STPG2: variants seen among roughly 807,000 people sequenced by gnomAD.
STPG2 encodes sperm tail PG-rich repeat containing 2.
STPG2 carries 56 observed loss-of-function variants against 54.2 expected under a neutral mutation model. The ratio of observed to expected loss-of-function variants is 1.03; its 90% CI spans 0.83 to 1.29. The LOEUF (loss-of-function observed/expected upper bound fraction) is 1.29, where lower values mean the gene tolerates loss of function less well. Among genes scored for constraint, STPG2 ranks in the 50% most tolerant of loss-of-function variants. The pLI, the probability that STPG2 is intolerant of heterozygous loss-of-function variation, is 0.00. For missense variants in STPG2, 596 were observed against 544.9 expected, an observed-to-expected ratio of 1.09 and a Z score of -0.93; for synonymous variants, 200 against 181.8, an observed-to-expected ratio of 1.10 and a Z score of -0.81.
chr4:97,958,679 C>T (rs1733777942), intron 7 of STPG2, among the ~76,000 whole-genome samples: 1 of 152,010 alleles, frequency 6.6e-6, no homozygotes, highest in Non-Finnish European at 1.5e-5. Flanking sequence ...TATCACAATC[C>T]TAAATATATA....
chr4:98,141,472 T>C (rs114219317), intron 1 of STPG2, among the ~76,000 whole-genome samples: 2,085 of 152,308 alleles, frequency 0.014, 51 homozygotes, highest in African/African-American at 0.047. Context: ...GTCTCCACAA[T>C]CCTGTATCTT....
Position 98,143,118 on chromosome 4 carries a change from C to T in STPG2, c.33G>A (p.Leu11=). 3 of 1,613,850 alleles carry T rather than the reference C, an allele frequency of 1.9e-6. No individual in the cohort carries two copies. The highest frequency in any genetic ancestry group is 2.5e-6 in the Non-Finnish European group (3 of 1,179,910). The change falls in exon 1 of 11, where the codon TTG becomes TTA. Residue 11 remains leucine, a synonymous_variant. Transcript: ENST00000295268. ...GGGCCTCAGTGCTGCCACCTTCAGC[C>T]AATTTGAGCAGGCGGGGAGCCCGAT... MYDRAPRLLK[L]AEGGSTEAHV...
chr4:97,543,005 AG>A (rs1731754160), intron 4 of STPG2, among the ~76,000 whole-genome samples: 1 of 152,122 alleles, frequency 6.6e-6, no homozygotes, highest in Non-Finnish European at 1.5e-5. Flanking sequence ...GGATAGCATT[AG>A]GAGATATACC....
chr4:97,969,911 C>G (rs1472840637), intron 7 of STPG2, among the ~76,000 whole-genome samples: 1 of 152,156 alleles, frequency 6.6e-6, no homozygotes, highest in Non-Finnish European at 1.5e-5. Context: ...ATTTAGAAAA[C>G]TCCATCGTCT....
chr4:98,020,206 T>A (rs1736128386), intron 5 of STPG2, among the ~76,000 whole-genome samples: 1 of 133,280 alleles, frequency 7.5e-6, no homozygotes, highest in Admixed American at 7.3e-5. Context: ...ATACCTAATT[T>A]ATTGAGAGTT....
chr4:97,703,293 C>A (rs1340964560), intron 10 of STPG2, among the ~76,000 whole-genome samples: 2 of 150,900 alleles, frequency 1.3e-5, no homozygotes, highest in African/African-American at 2.4e-5. Flanking sequence ...CCAAAACCAG[C>A]AAAAGAACTC....
chr4:97,870,119 A>C (rs1729933085), intron 8 of STPG2, among the ~76,000 whole-genome samples: 1 of 151,616 alleles, frequency 6.6e-6, no homozygotes, highest in African/African-American at 2.4e-5. Flanking sequence ...CCTCTCTTAA[A>C]ATCATGTCAT....
At chr4:97,833,237 C>A (rs905115150) in intron 9 of STPG2, among the ~76,000 whole-genome samples, 2 of 151,948 alleles carry the variant, frequency 1.3e-5, no homozygotes, top group Admixed American at 6.6e-5. Flanking sequence ...CTTTGATAAA[C>A]CTGACAAAAG....
chr4:97,638,072 C>T (rs1406995799), intron 10 of STPG2, among the ~76,000 whole-genome samples: 1 of 152,196 alleles, frequency 6.6e-6, no homozygotes, highest in African/African-American at 2.4e-5. Context: ...CTGAAGCCAT[C>T]ACACTACCTG....
Position 98,025,634 on chromosome 4 carries a change from C to T in STPG2, c.613-44316G>A, listed in dbSNP as rs1334522578. The T allele has an allele frequency of 3.6e-6, 3 of 837,702 alleles. No homozygotes were observed. In the Admixed American group the frequency reaches 5.1e-5, roughly 14 times the overall value. 51.9% of individuals were successfully genotyped at this position (837,702 alleles called of 1,614,324 possible). On this transcript the variant is annotated intron_variant, in intron 5 of 10. Transcript: ENST00000295268. ...CTGTGCAGCATATGCACACGAACTG[C>T]CAAAATATGGTATGAAGGATGGCCT...
At chr4:97,564,650 G>A (rs910090866) in intron 10 of STPG2, among the ~76,000 whole-genome samples, 9 of 152,040 alleles carry the variant, frequency 5.9e-5, no homozygotes, top group African/African-American at 1.7e-4. Context: ...ATCTCTCAGT[G>A]TTTGCTTGTC....
intron 9 of STPG2, among the ~76,000 whole-genome samples, chr4:97,768,431 G>A (rs998610603): frequency 7.2e-5 from 11 of 152,188 alleles, no homozygotes; most frequent in African/African-American, 2.7e-4. Flanking sequence ...TTTATTGGGA[G>A]ACAGTGGTGG....
intron 5 of STPG2, among the ~76,000 whole-genome samples, chr4:98,071,167 T>C (rs747326062): frequency 9.2e-5 from 14 of 152,056 alleles, no homozygotes; most frequent in Non-Finnish European, 1.9e-4. Context: ...CTTCAAACTA[T>C]ACTACAAGAC....
intron 4 of STPG2, among the ~76,000 whole-genome samples, chr4:97,549,565 C>T (rs973514995): frequency 2.0e-5 from 3 of 152,074 alleles, no homozygotes; most frequent in African/African-American, 4.8e-5. Context: ...CCTGTGAAAT[C>T]GGCCTTATTT....
chr4:97,640,538 T>C (rs1441383677), intron 10 of STPG2, among the ~76,000 whole-genome samples: 1 of 151,872 alleles, frequency 6.6e-6, no homozygotes, highest in Non-Finnish European at 1.5e-5. Context: ...ATATTGATAA[T>C]TTGACAAATA....
At chr4:97,929,301 T>G (rs949784925) in intron 8 of STPG2, among the ~76,000 whole-genome samples, 3 of 152,202 alleles carry the variant, frequency 2.0e-5, no homozygotes, top group African/African-American at 7.2e-5. Context: ...GTTGATTCCA[T>G]GTCTTTGCTA....
intron 9 of STPG2, among the ~76,000 whole-genome samples, chr4:97,743,525 G>C (rs1560511316): frequency 6.6e-6 from 1 of 151,608 alleles, no homozygotes. Context: ...GTCAATAGTT[G>C]ATCTTTCATT....
chr4:97,953,382 C>T (rs778207001), intron 7 of STPG2, among the ~76,000 whole-genome samples: 6 of 152,182 alleles, frequency 3.9e-5, no homozygotes, highest in Non-Finnish European at 5.9e-5. Context: ...ACTCAAAATG[C>T]CCCAGGCCAT....
At chr4:97,918,514 T>A (rs1053891800) in intron 8 of STPG2, among the ~76,000 whole-genome samples, 2 of 151,984 alleles carry the variant, frequency 1.3e-5, no homozygotes, top group African/African-American at 4.8e-5. Flanking sequence ...GCTGTGTATG[T>A]GTAATAAAAA....
Sources: gnomAD v4.1 joint callset for allele counts (sites outside exome capture counted in the v4.1 genomes callset) on GRCh38, gnomAD v4.1.1 for gene constraint, MANE v1.5 for transcripts, NCBI Gene and HGNC (gene_info 2026-07-23, HGNC 2026-07-21) for gene names.